The following TMEFF2 variants were observed in gnomAD, a reference collection of about 807,000 sequenced individuals.
TMEFF2 encodes transmembrane protein with EGF like and two follistatin like domains 2.
A neutral mutation model predicts 53.8 loss-of-function variants in TMEFF2; 28 were observed. That is an observed-to-expected ratio of 0.52 (90% CI 0.39 to 0.71). TMEFF2 has a LOEUF of 0.71. Ranked by LOEUF, TMEFF2 falls within the 30% of genes least tolerant of loss-of-function variation. The probability of loss-of-function intolerance (pLI) is 0.00; values close to 1 mark genes in which losing one functional copy is unlikely to be tolerated. For missense variants in TMEFF2, 353 were observed against 455.2 expected (o/e 0.78, Z 2.04); for synonymous variants, 162 against 166.3 (o/e 0.97, Z 0.20).
chr2:192,050,796 G>C (rs773162101), intron 5 of TMEFF2, among the ~76,000 whole-genome samples: 17 of 152,030 alleles, frequency 1.1e-4, no homozygotes, highest in Non-Finnish European at 2.2e-4. Context: ...TTATTTTCTT[G>C]ATCAAGATAG....
chr2:192,165,182 TTC>T (rs1471696669), intron 4 of TMEFF2, among the ~76,000 whole-genome samples: 4 of 152,314 alleles, frequency 2.6e-5, no homozygotes, highest in East Asian at 1.9e-4. Context: ...GTTTATAATT[TTC>T]TGTTATAAAT....
intron 5 of TMEFF2, among the ~76,000 whole-genome samples, chr2:192,033,321 C>T (rs190169721): frequency 1.3e-4 from 20 of 152,232 alleles, no homozygotes; most frequent in South Asian, 4.2e-4. Flanking sequence ...ATAGTTATTA[C>T]GTATATTCCT....
At chr2:192,149,348 T>C (rs962120985) in intron 4 of TMEFF2, among the ~76,000 whole-genome samples, 1 of 151,942 alleles carries the variant, frequency 6.6e-6, no homozygotes, top group African/African-American at 2.4e-5. Context: ...TCCAAAAATA[T>C]GTACGAGTGG....
At chr2:192,007,064 A>G (rs972663998) in intron 5 of TMEFF2, among the ~76,000 whole-genome samples, 1 of 152,194 alleles carries the variant, frequency 6.6e-6, no homozygotes, top group Non-Finnish European at 1.5e-5. Context: ...TGCATCCCCT[A>G]TTGAGAAATC....
At chr2:192,073,427 C>CT (rs1049094156) in intron 4 of TMEFF2, among the ~76,000 whole-genome samples, 74 of 147,132 alleles carry the variant, frequency 5.0e-4, no homozygotes, top group South Asian at 3.4e-3. Flanking sequence ...ATGATTTCAA[C>CT]TTTTTTTTTT....
At chr2:192,092,146 A>G (rs533847876) in intron 4 of TMEFF2, among the ~76,000 whole-genome samples, 4 of 152,132 alleles carry the variant, frequency 2.6e-5, no homozygotes, top group Non-Finnish European at 5.9e-5. Context: ...GACAATTCCT[A>G]TTGTATTCAG....
chr2:191,964,213 T>G (rs190312391), intron 7 of TMEFF2, among the ~76,000 whole-genome samples: 66 of 141,492 alleles, frequency 4.7e-4, no homozygotes, highest in African/African-American at 1.8e-3. Flanking sequence ...TCTTTCTCTC[T>G]TTCTGTCTGT....
At position 191,955,524 on chromosome 2, in the gene TMEFF2, A is replaced by ATTTTTTTTTTTTTTTTTTTTTT. The variant is rs71405028; in HGVS notation, c.869+709_869+730dup. Among the ~76,000 whole-genome samples, 10 of 60,286 alleles carry ATTTTTTTTTTTTTTTTTTTTTT rather than the reference A, an allele frequency of 1.7e-4. 3 individuals are homozygous for ATTTTTTTTTTTTTTTTTTTTTT. Among genetic ancestry groups the ATTTTTTTTTTTTTTTTTTTTTT allele is most frequent in the East Asian group, 6.4e-4 (1 of 1,556 alleles). The allele number at this position is 60,286 out of a possible 152,430, so 39.5% of individuals were successfully genotyped here. ...TGCCACCGTGCCTGGCTAATTCTTA[A>ATTTTTTTTTTTTTTTTTTTTTT]TTTTTTTTTTTTTTTTTTTTTTTTA... On this transcript the variant is annotated intron_variant, in intron 8 of 9. Transcript: ENST00000272771.
intron 5 of TMEFF2, among the ~76,000 whole-genome samples, chr2:192,048,361 A>ACACACACACACACACACACAC (rs1687676470): frequency 1.2e-4 from 17 of 143,164 alleles, no homozygotes; most frequent in African/African-American, 4.4e-4. Context: ...ATTCTCATAA[A>ACACACACACACACACACACAC]ACACACACAC....
intron 1 of TMEFF2, 60 bp from the exon 2 acceptor site, chr2:192,192,049 A>G: frequency 1.6e-6 from 2 of 1,225,578 alleles, no homozygotes; most frequent in Non-Finnish European, 2.4e-6. Flanking sequence ...TAACAAAAAA[A>G]AGCACTACTT....
intron 5 of TMEFF2, among the ~76,000 whole-genome samples, chr2:192,001,300 A>G (rs1686352158): frequency 6.6e-6 from 1 of 152,132 alleles, no homozygotes; most frequent in Admixed American, 6.6e-5. Flanking sequence ...TAGGGCTTTG[A>G]CGGTATATCC....
intron 5 of TMEFF2, among the ~76,000 whole-genome samples, chr2:192,024,598 G>A (rs1224124203): frequency 6.6e-6 from 1 of 152,160 alleles, no homozygotes; most frequent in Non-Finnish European, 1.5e-5. Context: ...ATGGAGACAC[G>A]TTTTAAAATA....
intron 4 of TMEFF2, among the ~76,000 whole-genome samples, chr2:192,166,682 C>T (rs10210380): frequency 0.53 from 80,177 of 151,858 alleles, 21,333 homozygotes; most frequent in East Asian, 0.58. Flanking sequence ...CCCTGCAAAA[C>T]GGGGCAACAA....
chr2:192,100,676 T>G (rs952002786), intron 4 of TMEFF2, among the ~76,000 whole-genome samples: 3 of 152,174 alleles, frequency 2.0e-5, no homozygotes, highest in African/African-American at 7.2e-5. Context: ...TTGGATTTCC[T>G]CAAATGAAGG....
At chr2:191,980,503 G>A (rs1685829946) in intron 7 of TMEFF2, among the ~76,000 whole-genome samples, 1 of 152,104 alleles carries the variant, frequency 6.6e-6, no homozygotes, top group African/African-American at 2.4e-5. Context: ...CAAGAAGAAA[G>A]GAAGAAAACA....
At position 191,949,927 on chromosome 2, in the gene TMEFF2, A is replaced by G. The variant is rs1023378430; in HGVS notation, c.*384T>C. ...CGAACTAATGTGCTGTCTCAAGATG[A>G]GAAGAAACATGAAATATTGGTAGCT... On this transcript the variant is annotated 3_prime_UTR_variant, in exon 10 of 10. Coordinates refer to ENST00000272771, the MANE Select transcript of TMEFF2 (RefSeq NM_016192.4). 1 of 1,002,744 alleles carries G rather than the reference A, an allele frequency of 1.0e-6. No homozygotes were observed. Among genetic ancestry groups the G allele is most frequent in the African/African-American group, 1.7e-5 (1 of 57,602 alleles). 62.1% of individuals were successfully genotyped at this position (1,002,744 alleles called of 1,614,324 possible). A position where few individuals can be genotyped will look rare whatever the true frequency, so the allele number is the denominator to read the frequency against.
At chr2:191,960,721 A>T (rs1370531599) in intron 7 of TMEFF2, among the ~76,000 whole-genome samples, 1 of 152,238 alleles carries the variant, frequency 6.6e-6, no homozygotes, top group Non-Finnish European at 1.5e-5. Flanking sequence ...AATTGAAAAG[A>T]TCCTAAACTA....
chr2:192,103,370 C>G (rs890466721), intron 4 of TMEFF2, among the ~76,000 whole-genome samples: 1 of 152,112 alleles, frequency 6.6e-6, no homozygotes, highest in East Asian at 1.9e-4. Flanking sequence ...GTTCACACCT[C>G]TGCTTGGATT....
At chr2:191,983,994 A>T (rs1474854877) in intron 7 of TMEFF2, among the ~76,000 whole-genome samples, 1 of 152,172 alleles carries the variant, frequency 6.6e-6, no homozygotes, top group Non-Finnish European at 1.5e-5. Flanking sequence ...CTCAAAATGT[A>T]ATCCAAAGTC....
Sources: allele counts gnomAD v4.1 joint callset (sites outside exome capture counted in the v4.1 genomes callset), GRCh38; gene constraint gnomAD v4.1.1; transcripts MANE v1.5; gene names NCBI Gene and HGNC (gene_info 2026-07-23, HGNC 2026-07-21).